Variants in CNTN5 observed in about 807,000 individuals in gnomAD.
CNTN5 encodes contactin 5.
A neutral mutation model predicts 129.1 loss-of-function variants in CNTN5; 77 were observed. That is an observed-to-expected ratio of 0.60 (90% CI 0.50 to 0.72). The LOEUF is 0.72. Among genes scored for constraint, CNTN5 ranks in the 30% least tolerant of loss-of-function variants. CNTN5 has a pLI of 0.00. For synonymous variants in CNTN5, 509 were observed against 465.6 expected, an observed-to-expected ratio of 1.09 and a Z score of -1.20; for missense variants, 1,478 against 1,328.8, an observed-to-expected ratio of 1.11 and a Z score of -1.75.
chr11:99,299,835 G>T (rs1185777858), intron 1 of CNTN5, among the ~76,000 whole-genome samples: 1 of 152,074 alleles, frequency 6.6e-6, no homozygotes, highest in Admixed American at 6.5e-5. Context: ...ACTGCTATTT[G>T]AAATAGTGCT....
chr11:99,156,032 A>G (rs908432904), intron 1 of CNTN5, among the ~76,000 whole-genome samples: 5 of 152,120 alleles, frequency 3.3e-5, no homozygotes, highest in Non-Finnish European at 5.9e-5. Flanking sequence ...TGCAATAAAA[A>G]GTTCTCAATA....
intron 13 of CNTN5, 54 bp from the exon 14 acceptor site, chr11:100,191,067 TTACTA>T: frequency 8.2e-7 from 1 of 1,219,326 alleles, no homozygotes; most frequent in Non-Finnish European, 1.2e-6. Context: ...TCATTGGTTC[TTACTA>T]TTTAGCTGAT....
intron 13 of CNTN5, among the ~76,000 whole-genome samples, chr11:100,090,329 G>C (rs1456500744): frequency 6.6e-6 from 1 of 152,014 alleles, no homozygotes; most frequent in African/African-American, 2.4e-5. Flanking sequence ...TCTTCAACCA[G>C]TTAGAATGGT....
At chr11:99,417,614 C>T (rs1189059358) in intron 2 of CNTN5, among the ~76,000 whole-genome samples, 4 of 151,892 alleles carry the variant, frequency 2.6e-5, no homozygotes, top group Non-Finnish European at 5.9e-5. Flanking sequence ...TTAAATTGTA[C>T]TATTATCTAG....
At position 99,623,537 on chromosome 11, in the gene CNTN5, C is replaced by T. The variant is rs550165060; in HGVS notation, c.55+67268C>T. 3.3e-5 allele frequency among the ~76,000 whole-genome samples: 5 copies of T among 152,104 alleles called. No individual in the cohort carries two copies. In the East Asian group the frequency reaches 9.7e-4, roughly 29 times the overall value. ...TGCTGATTACATTAGCATATTTTGA[C>T]TTACATAACCTCTCCACAGATAAAT... On this transcript the variant is annotated intron_variant, in intron 3 of 24. Coordinates refer to ENST00000524871, the MANE Select transcript of CNTN5 (RefSeq NM_014361.4).
intron 13 of CNTN5, among the ~76,000 whole-genome samples, chr11:100,076,981 A>G (rs1944156034): frequency 6.6e-6 from 1 of 152,174 alleles, no homozygotes; most frequent in Admixed American, 6.6e-5. Flanking sequence ...GCAGAATTCC[A>G]TAATATAAGA....
intron 1 of CNTN5, among the ~76,000 whole-genome samples, chr11:99,158,883 C>T (rs1860460804): frequency 1.3e-5 from 2 of 151,918 alleles, no homozygotes; most frequent in Admixed American, 1.3e-4. Context: ...TTATATAAAC[C>T]TTCAGTAAAT....
intron 4 of CNTN5, 81 bp downstream of exon 4, chr11:99,819,846 A>G: frequency 2.1e-6 from 1 of 467,778 alleles, no homozygotes; most frequent in South Asian, 4.3e-5. Flanking sequence ...ACAGAGATCA[A>G]GACTATTCCA....
chr11:99,397,591 A>G (rs190387093), intron 2 of CNTN5, among the ~76,000 whole-genome samples: 31 of 151,916 alleles, frequency 2.0e-4, no homozygotes, highest in Admixed American at 1.4e-3. Context: ...ATAATTCATT[A>G]TACTTTATTT....
chr11:100,041,389 G>A (rs1455274426), intron 9 of CNTN5, among the ~76,000 whole-genome samples: 1 of 151,950 alleles, frequency 6.6e-6, no homozygotes, highest in African/African-American at 2.4e-5. Flanking sequence ...TCTCCCCATT[G>A]TCAACTCCAG....
intron 9 of CNTN5, among the ~76,000 whole-genome samples, chr11:100,007,204 T>C (rs1239311896): frequency 2.0e-5 from 3 of 152,026 alleles, no homozygotes; most frequent in South Asian, 2.1e-4. Context: ...ACAGAGTAGA[T>C]TTAACATAAT....
chr11:99,654,130 T>G (rs1302130213), intron 3 of CNTN5, among the ~76,000 whole-genome samples: 1 of 152,098 alleles, frequency 6.6e-6, no homozygotes, highest in East Asian at 1.9e-4. Flanking sequence ...GAACTGAGTC[T>G]TTGCTTGAAT....
intron 3 of CNTN5, among the ~76,000 whole-genome samples, chr11:99,800,454 A>G (rs186541652): frequency 3.3e-5 from 5 of 152,234 alleles, no homozygotes; most frequent in Admixed American, 2.0e-4. Context: ...GTAGATGTCA[A>G]TTAGGTCCAT....
intron 7 of CNTN5, among the ~76,000 whole-genome samples, chr11:99,924,450 C>T (rs1046552223): frequency 6.6e-6 from 1 of 152,110 alleles, no homozygotes; most frequent in African/African-American, 2.4e-5. Flanking sequence ...CAACTTAATT[C>T]TGCATATGGT....
chr11:99,710,443 G>A (rs940340560), intron 3 of CNTN5, among the ~76,000 whole-genome samples: 13 of 151,730 alleles, frequency 8.6e-5, no homozygotes, highest in Admixed American at 6.6e-4. Context: ...TGTTGTTGTC[G>A]TTCCTGTTGT....
chr11:99,817,481 C>A (rs1229256796), intron 3 of CNTN5, among the ~76,000 whole-genome samples: 2 of 151,910 alleles, frequency 1.3e-5, no homozygotes, highest in Non-Finnish European at 2.9e-5. Flanking sequence ...CCTTTTTAAA[C>A]CTTACTATGG....
rs147426335 is a variant in CNTN5, at chr11:99,809,128, A to G, written c.56-10416A>G. ...AGTGAGGACTCCCCCAGGCCCGGGA[A>G]AAATTTTTGTTTACTCTATGGGGGA... On this transcript the variant is annotated intron_variant, in intron 3 of 24. Transcript: ENST00000524871. Among the ~76,000 whole-genome samples the G allele has an allele frequency of 1.7e-3, 253 of 152,210 alleles. 1 individual carries two copies. Among genetic ancestry groups the G allele is most frequent in the African/African-American group, 5.9e-3 (247 of 41,544 alleles).
chr11:99,709,120 A>G (rs1310207523), intron 3 of CNTN5, among the ~76,000 whole-genome samples: 1 of 151,876 alleles, frequency 6.6e-6, no homozygotes, highest in African/African-American at 2.4e-5. Flanking sequence ...TTAGCACATC[A>G]TCTTTCTGGC....
At chr11:99,170,830 G>A (rs901488021) in intron 1 of CNTN5, among the ~76,000 whole-genome samples, 1 of 152,174 alleles carries the variant, frequency 6.6e-6, no homozygotes, top group Non-Finnish European at 1.5e-5. Context: ...TTATAATCCT[G>A]TTTTCTCAGT....
Sources: allele counts gnomAD v4.1 joint callset (sites outside exome capture counted in the v4.1 genomes callset), GRCh38; gene constraint gnomAD v4.1.1; transcripts MANE v1.5; gene names NCBI Gene and HGNC (gene_info 2026-07-23, HGNC 2026-07-21).